The following DHX34 variants were observed in gnomAD, a reference collection of about 807,000 sequenced individuals.
DHX34 encodes probable ATP-dependent RNA helicase DHX34.
DHX34 carries 96 observed loss-of-function variants against 111.1 expected under a neutral mutation model. That is an observed-to-expected ratio of 0.86 (90% CI 0.73 to 1.02). DHX34 has a LOEUF of 1.02. Ranked by LOEUF, DHX34 falls within the 50% of genes least tolerant of loss-of-function variation. DHX34 has a pLI of 0.00. For missense variants in DHX34, 1,560 were observed against 1,579.9 expected (o/e 0.99, Z 0.21); for synonymous variants, 688 against 670.4 (o/e 1.03, Z -0.41).
intron 3 of DHX34, among the ~76,000 whole-genome samples, chr19:47,356,526 A>G (rs1599754644): frequency 6.6e-6 from 1 of 152,050 alleles, no homozygotes. Flanking sequence ...GCTACTTGGA[A>G]GGCTGAGGCA....
chr19:47,372,956 A>G (rs774360541), intron 8 of DHX34, 33 bp downstream of exon 8: 2 of 1,368,746 alleles, frequency 1.5e-6, no homozygotes, highest in Non-Finnish European at 9.6e-7. Flanking sequence ...TCTGTCTGTC[A>G]CCCTGCTCAG....
intron 3 of DHX34, 92 bp from the exon 4 acceptor site, chr19:47,357,774 G>A (rs888917714): frequency 1.0e-5 from 15 of 1,495,114 alleles, no homozygotes; most frequent in Non-Finnish European, 1.3e-5. Flanking sequence ...CCGTTAGCCT[G>A]TGGTCTCCCC....
chr19:47,357,146 G>A (rs577317354), intron 3 of DHX34, among the ~76,000 whole-genome samples: 1 of 152,196 alleles, frequency 6.6e-6, no homozygotes, highest in South Asian at 2.1e-4. Context: ...AACCAACCTG[G>A]CTCAGGCTCA....
rs745586723 is a variant in DHX34, at chr19:47,377,081, GTCC to G, written c.2600-13_2600-11del. The stretch of plus-strand genomic sequence containing the variant: ...GGGTGGGCCAGGGTGGGCCTGAGCG[GTCC>G]TCCTCAACCTTTCAGACGACAAGGA... On this transcript the variant is annotated splice_polypyrimidine_tract_variant and intron_variant, in intron 12 of 16. Coordinates refer to ENST00000328771, the MANE Select transcript of DHX34 (RefSeq NM_014681.6). The G allele has an allele frequency of 6.2e-6, 10 of 1,613,706 alleles. No individual in the cohort carries two copies. The highest frequency in any genetic ancestry group is 5.0e-5 in the Admixed American group (3 of 60,010).
At chr19:47,381,366 C>A (rs370778708) in intron 16 of DHX34, 42 bp downstream of exon 16, 2 of 1,588,822 alleles carry the variant, frequency 1.3e-6, no homozygotes, top group African/African-American at 1.3e-5. Context: ...TCTGCCCAGC[C>A]GTCTGCCCAT....
chr19:47,375,639 C>T lies in DHX34; in HGVS notation c.2238C>T (p.Asp746=), dbSNP rs371324030. The change falls in exon 10 of 17, where the codon GAC becomes GAT. Residue 746 remains aspartate, a synonymous_variant. Transcript: ENST00000328771. ...TGCTGCGGCTGCAGGAGGAGCAGGA[C>T]GGCGGCTCCAGTGACGAGGACAGGG... ...RKVLRLQEEQ[D]GGSSDEDRAG... The T allele has an allele frequency of 2.4e-4, 379 of 1,553,216 alleles. 1 individual carries two copies. In the East Asian group the frequency reaches 4.6e-3, roughly 19 times the overall value.
Position 47,374,954 on chromosome 19 carries a change from G to A in DHX34, c.2065-512G>A, listed in dbSNP as rs141461041. On this transcript the variant is annotated intron_variant, in intron 9 of 16. Coordinates refer to ENST00000328771, the MANE Select transcript of DHX34 (RefSeq NM_014681.6). ...AGGAATGTTGACAAGATGTGGGCAC[G>A]GGGAGGGCAGGGGTCTCAGATTTTA... Among the ~76,000 whole-genome samples the A allele has an allele frequency of 6.6e-5, 10 of 152,278 alleles. No homozygotes were observed. The East Asian group carries it at 1.7e-3, about 26-fold the overall frequency.
In DHX34 at chr19:47,353,252, G is replaced by A; in HGVS notation, c.222G>A (p.Lys74=). The part of the protein sequence containing the change: ...FERLQRFQNL[K]TSRKEEKDPG... ...GCCTGCAGAGATTCCAGAATCTCAA[G>A]ACCTCCAGGAAGGAGGAGAAAGACC... The change falls in exon 2 of 17, where the codon AAG becomes AAA. Residue 74 remains lysine, a synonymous_variant. Transcript: ENST00000328771. The surrounding 1 kb of genome is among the most constrained non-coding windows in gnomAD (Gnocchi z 4.6). The A allele has an allele frequency of 6.2e-7, 1 of 1,614,170 alleles. No individual in the cohort carries two copies. Among genetic ancestry groups the A allele is most frequent in the Non-Finnish European group, 8.5e-7 (1 of 1,180,028 alleles).
chr19:47,372,719 C>A lies in DHX34; in HGVS notation c.1769-11C>A, dbSNP rs200622073. 117 of 1,569,750 alleles carry A rather than the reference C, an allele frequency of 7.5e-5. No individual in the cohort carries two copies. Among genetic ancestry groups the A allele is most frequent in the Non-Finnish European group, 1.0e-4 (117 of 1,155,430 alleles). On this transcript the variant is annotated splice_polypyrimidine_tract_variant and intron_variant, in intron 7 of 16. Transcript: ENST00000328771. ...CACCCAGGAGCCTCAACCCCGTGTC[C>A]GCCGCTGCAGGGAAGATGCTGATCC...
At chr19:47,360,971 G>A (rs769715480) in intron 5 of DHX34, among the ~76,000 whole-genome samples, 11 of 151,670 alleles carry the variant, frequency 7.3e-5, no homozygotes, top group Non-Finnish European at 1.6e-4. Context: ...CGCCCAGCCC[G>A]ACATTCTATT....
In DHX34 at chr19:47,372,883, AC is replaced by A; in HGVS notation, c.1926del (p.Phe643SerfsTer13). On this transcript the variant is annotated frameshift_variant, in exon 8 of 17. Transcript: ENST00000328771. LOFTEE classifies it high-confidence loss of function. ...CGGCCGCTGGAGAGCGACCAGGGTG[AC>A]CCCTTCACGCTCTTCAACGTCTTCA... Reference protein sequence around the residue: ...ARRPLESDQGDPFTLFNVFNA... With the variant: ...ARRPLESDQGXPFTLFNVFNA... 1 of 1,608,626 alleles carries A rather than the reference AC, an allele frequency of 6.2e-7. No individual in the cohort carries two copies. Among genetic ancestry groups the A allele is most frequent in the Non-Finnish European group, 8.5e-7 (1 of 1,179,434 alleles).
intron 6 of DHX34, among the ~76,000 whole-genome samples, chr19:47,365,957 G>A (rs1250407775): frequency 6.6e-6 from 1 of 152,174 alleles, no homozygotes; most frequent in Non-Finnish European, 1.5e-5. Flanking sequence ...GCATTCATGA[G>A]GCGGCATGTC....
chr19:47,355,002 A>G, intron 2 of DHX34, 37 bp from the exon 3 acceptor site: 7 of 1,601,506 alleles, frequency 4.4e-6, no homozygotes, highest in Non-Finnish European at 6.0e-6. Flanking sequence ...ACCCAGGCTC[A>G]GGGTCCTCTC....
Position 47,364,760 on chromosome 19 carries a change from G to T in DHX34, c.1593+2067G>T, listed in dbSNP as rs182798970. ...CTCATAAAAAAACAAAGTCCATGGG[G>T]TAGGTAGTCTTACCCTAATTTTTGG... On this transcript the variant is annotated intron_variant, in intron 6 of 16. Coordinates refer to ENST00000328771, the MANE Select transcript of DHX34 (RefSeq NM_014681.6). Among the ~76,000 whole-genome samples, 13 of 152,158 alleles carry T rather than the reference G, an allele frequency of 8.5e-5. No individual in the cohort carries two copies. The South Asian group carries it at 2.3e-3, about 27-fold the overall frequency.
chr19:47,381,119 C>G (rs534234782), intron 15 of DHX34, 67 bp from the exon 16 acceptor site: 14 of 1,597,882 alleles, frequency 8.8e-6, no homozygotes, highest in Non-Finnish European at 1.2e-5. Context: ...GGAAGGGTCC[C>G]GGGGGGGCAC....
chr19:47,377,083 C>T lies in DHX34; in HGVS notation c.2600-17C>T. The T allele has an allele frequency of 1.2e-6, 2 of 1,613,706 alleles. No homozygotes were observed. Among genetic ancestry groups the T allele is most frequent in the South Asian group, 2.2e-5 (2 of 91,070 alleles). On this transcript the variant is annotated splice_polypyrimidine_tract_variant and intron_variant, in intron 12 of 16. Coordinates refer to ENST00000328771, the MANE Select transcript of DHX34 (RefSeq NM_014681.6). ...GTGGGCCAGGGTGGGCCTGAGCGGT[C>T]CTCCTCAACCTTTCAGACGACAAGG...
chr19:47,376,859 C>T lies in DHX34; in HGVS notation c.2600-241C>T, dbSNP rs1970178855. ...GGACTCTGTGAGCTCCCAGGTGGGT[C>T]CTGCAGAGGGAGGCCCCCCTGGCAC... On this transcript the variant is annotated intron_variant, in intron 12 of 16. Coordinates refer to ENST00000328771, the MANE Select transcript of DHX34 (RefSeq NM_014681.6). The T allele has an allele frequency of 3.3e-6, 5 of 1,532,448 alleles. No individual in the cohort carries two copies. The South Asian group carries it at 4.8e-5, about 15-fold the overall frequency. 94.9% of individuals were successfully genotyped at this position (1,532,448 alleles called of 1,614,324 possible). A position where few individuals can be genotyped will look rare whatever the true frequency, so the allele number is the denominator to read the frequency against.
At chr19:47,378,148 G>A (rs551472806) in intron 13 of DHX34, among the ~76,000 whole-genome samples, 394 of 152,296 alleles carry the variant, frequency 2.6e-3, no homozygotes, top group Non-Finnish European at 4.9e-3. Context: ...AGGGAACGTG[G>A]AGGGGAGAGA....
At position 47,375,935 on chromosome 19, in the gene DHX34, C is replaced by T; in HGVS notation, c.2319C>T (p.Phe773=). 1.2e-6 allele frequency: 2 copies of T among 1,601,734 alleles called. No homozygotes were observed. The highest frequency in any genetic ancestry group is 2.2e-5 in the East Asian group (1 of 44,490). The change falls in exon 11 of 17, where the codon TTC becomes TTT. Residue 773 remains phenylalanine (F), a synonymous_variant. Coordinates refer to ENST00000328771, the MANE Select transcript of DHX34 (RefSeq NM_014681.6). The stretch of plus-strand genomic sequence containing the variant: ...CGTGCTCCCCCCAGGATGTGAAGTT[C>T]AAGCTTCGGCATGACCTGGCGCAGC... ...SDGVDIQDVK[F]KLRHDLAQLQ...
Sources: allele counts gnomAD v4.1 joint callset (sites outside exome capture counted in the v4.1 genomes callset), GRCh38; gene constraint gnomAD v4.1.1; non-coding constraint Gnocchi (gnomAD v3.1); transcripts MANE v1.5; gene names NCBI Gene and HGNC (gene_info 2026-07-23, HGNC 2026-07-21).